Variants in CCDC146 observed in about 807,000 individuals in gnomAD.
CCDC146 encodes coiled-coil domain containing 146, also known as coiled-coil domain-containing protein 146.
Under a neutral mutation model 119.3 loss-of-function variants are expected in CCDC146, and 92 were observed. That is an observed-to-expected ratio of 0.77 (90% CI 0.65 to 0.92). The LOEUF (loss-of-function observed/expected upper bound fraction) is 0.92, where lower values mean the gene tolerates loss of function less well. Ranked by LOEUF, CCDC146 falls within the 40% of genes least tolerant of loss-of-function variation. CCDC146 has a pLI of 0.00. For missense variants in CCDC146, 1,000 were observed against 1,103.0 expected (o/e 0.91, Z 1.32); for synonymous variants, 372 against 371.8 (o/e 1.00, Z -0.01).
At chr7:77,274,774 A>C (rs1314173164) in intron 11 of CCDC146, 122 bp downstream of exon 11, 1 of 738,372 alleles carries the variant, frequency 1.4e-6, no homozygotes, top group Non-Finnish European at 2.2e-6. Flanking sequence ...AAACTATCGC[A>C]AGGACAAAAA....
At chr7:77,242,239 C>A in intron 4 of CCDC146, 1 of 392,262 alleles carries the variant, frequency 2.5e-6, no homozygotes, top group Non-Finnish European at 4.1e-6. Context: ...CATCCCATGA[C>A]TATAGCAGTA....
intron 2 of CCDC146, among the ~76,000 whole-genome samples, chr7:77,187,187 T>G (rs546257072): frequency 6.6e-6 from 1 of 152,260 alleles, no homozygotes; most frequent in Non-Finnish European, 1.5e-5. Context: ...AATGAACTTA[T>G]ATAGTTTTGA....
At chr7:77,204,297 C>A (rs1360265660) in intron 2 of CCDC146, among the ~76,000 whole-genome samples, 3 of 151,980 alleles carry the variant, frequency 2.0e-5, no homozygotes, top group African/African-American at 4.8e-5. Flanking sequence ...AGGTCTTAGT[C>A]CTTGTTCATT....
rs779767745 is a variant in CCDC146, at chr7:77,293,157, G to T, written c.2621G>T (p.Arg874Leu). The T allele has an allele frequency of 1.2e-6, 2 of 1,614,098 alleles. No individual in the cohort carries two copies. The highest frequency in any genetic ancestry group is 2.2e-5 in the East Asian group (1 of 44,886). Reference sequence around the variant, plus strand: ...GAGAAAGAATGGTTGAAAGTCCTTCGAGATGAAGAAATGCACGCCTTGGCC... The same window carrying T: ...GAGAAAGAATGGTTGAAAGTCCTTCTAGATGAAGAAATGCACGCCTTGGCC... ...EIEKEWLKVL[R>L]DEEMHALAIA... Residue 874 changes from arginine to leucine, a missense_variant, in exon 18 of 19, where the codon CGA (arginine) becomes CTA (leucine). Arg to Leu is a moderately radical substitution (Grantham distance 102, BLOSUM62 -2). Coordinates refer to ENST00000285871, the MANE Select transcript of CCDC146 (RefSeq NM_020879.3).
At chr7:77,179,281 A>G (rs1791545154) in intron 2 of CCDC146, among the ~76,000 whole-genome samples, 1 of 152,136 alleles carries the variant, frequency 6.6e-6, no homozygotes, top group African/African-American at 2.4e-5. Context: ...CTATTTTAAT[A>G]TATAAAATAT....
chr7:77,191,646 C>T (rs551356155), intron 2 of CCDC146, among the ~76,000 whole-genome samples: 15 of 152,216 alleles, frequency 9.9e-5, no homozygotes, highest in Admixed American at 2.0e-4. Flanking sequence ...CAGTGGCTCA[C>T]GCCTGTAATC....
chr7:77,132,759 T>C (rs1461604384), intron 1 of CCDC146, among the ~76,000 whole-genome samples: 3 of 150,078 alleles, frequency 2.0e-5, no homozygotes, highest in East Asian at 1.9e-4. Context: ...AATAAACAAA[T>C]AAATAAATAA....
At chr7:77,199,476 G>C in intron 2 of CCDC146, 1 of 1,614,074 alleles carries the variant, frequency 6.2e-7, no homozygotes, top group Non-Finnish European at 8.5e-7. Context: ...CTGGGTCTCC[G>C]TTGTCATCAG....
Position 77,294,826 on chromosome 7 carries a change from G to A in CCDC146, c.2828G>A (p.Arg943Lys). Reference protein sequence around the residue: ...FKPSEPGANMRHIRKPVIKPV... With the variant: ...FKPSEPGANMKHIRKPVIKPV... ...CCCAGTGAACCTGGAGCCAATATGA[G>A]GCACATAAGGAAACCTGTTATAAAG... Residue 943 changes from arginine (R) to lysine (K), a missense_variant, in exon 19 of 19, where the codon AGG becomes AAG. Physicochemically the swap from Arg to Lys is conservative, Grantham distance 26. Around this residue, in one of 2 missense-constraint regions of CCDC146, gnomAD observed 985 missense variants for 1,045.3 expected, o/e 0.94. Transcript: ENST00000285871. 1.2e-6 allele frequency: 2 copies of A among 1,614,046 alleles called. No individual in the cohort carries two copies. The highest frequency in any genetic ancestry group is 1.3e-5 in the African/African-American group (1 of 75,008).
chr7:77,133,878 T>C (rs1226400854), intron 1 of CCDC146, among the ~76,000 whole-genome samples: 1 of 148,368 alleles, frequency 6.7e-6, no homozygotes, highest in African/African-American at 2.6e-5. Context: ...TATGCTTCTA[T>C]ATGAGTAAAA....
At chr7:77,236,690 C>T (rs1376096436) in intron 2 of CCDC146, among the ~76,000 whole-genome samples, 2 of 152,068 alleles carry the variant, frequency 1.3e-5, no homozygotes, top group Non-Finnish European at 2.9e-5. Flanking sequence ...TAACTCAATC[C>T]TCTCAATTTC....
intron 2 of CCDC146, among the ~76,000 whole-genome samples, chr7:77,180,166 GTA>G (rs879307980): frequency 0.011 from 1,519 of 143,772 alleles, 7 homozygotes; most frequent in Non-Finnish European, 0.012. Flanking sequence ...CCATATGTAT[GTA>G]CCATATATAT....
intron 2 of CCDC146, among the ~76,000 whole-genome samples, chr7:77,187,804 A>C (rs192479870): frequency 1.3e-5 from 2 of 152,338 alleles, no homozygotes; most frequent in African/African-American, 4.8e-5. Flanking sequence ...ACCTAAAATT[A>C]AATAGATTAA....
intron 2 of CCDC146, among the ~76,000 whole-genome samples, chr7:77,185,252 C>G (rs1432864894): frequency 6.6e-6 from 1 of 151,998 alleles, no homozygotes; most frequent in African/African-American, 2.4e-5. Flanking sequence ...TATGCAGAAA[C>G]AAGAATCTCT....
chr7:77,252,425 A>G (rs1793093552), intron 4 of CCDC146, among the ~76,000 whole-genome samples: 1 of 152,210 alleles, frequency 6.6e-6, no homozygotes, highest in African/African-American at 2.4e-5. Context: ...ATCTTGAAAG[A>G]AGCAAGAAAC....
intron 9 of CCDC146, among the ~76,000 whole-genome samples, chr7:77,270,013 C>T (rs186970954): frequency 8.5e-5 from 13 of 152,224 alleles, no homozygotes; most frequent in Admixed American, 5.2e-4. Flanking sequence ...AATGTATTTC[C>T]CCCCAGAGAC....
chr7:77,240,035 A>G (rs1350837370), intron 3 of CCDC146, among the ~76,000 whole-genome samples: 1 of 152,202 alleles, frequency 6.6e-6, no homozygotes, highest in Non-Finnish European at 1.5e-5. Flanking sequence ...CTAGTTTCCT[A>G]ATAAAGTGCC....
chr7:77,232,203 C>T (rs994544956), intron 2 of CCDC146, among the ~76,000 whole-genome samples: 2 of 152,182 alleles, frequency 1.3e-5, no homozygotes, highest in Non-Finnish European at 2.9e-5. Flanking sequence ...CTCACTGAGC[C>T]AGTAAGGTTT....
chr7:77,183,042 A>G (rs1235221914), intron 2 of CCDC146, among the ~76,000 whole-genome samples: 2 of 152,198 alleles, frequency 1.3e-5, no homozygotes, highest in Admixed American at 6.5e-5. Context: ...TTGGAAAGCA[A>G]TATGGCTGTG....
Sources: gnomAD v4.1 joint callset for allele counts (sites outside exome capture counted in the v4.1 genomes callset) on GRCh38, gnomAD v4.1.1 for gene constraint, gnomAD v4.1.1 regional missense constraint, MANE v1.5 for transcripts, NCBI Gene and HGNC (gene_info 2026-07-23, HGNC 2026-07-21) for gene names.